RASGRF1: variants seen among roughly 807,000 people sequenced by gnomAD.
RASGRF1 encodes ras-specific guanine nucleotide-releasing factor 1.
Under a neutral mutation model 138.7 loss-of-function variants are expected in RASGRF1, and 40 were observed. That is an observed-to-expected ratio of 0.29 (90% CI 0.22 to 0.38). RASGRF1 has a LOEUF of 0.38. Ranked by LOEUF, RASGRF1 falls within the 10% of genes least tolerant of loss-of-function variation. The pLI is 1.00. For synonymous variants in RASGRF1, 614 were observed against 663.2 expected, an observed-to-expected ratio of 0.93 and a Z score of 1.14; for missense variants, 1,108 against 1,650.4, an observed-to-expected ratio of 0.67 and a Z score of 5.69.
At position 78,960,170 on chromosome 15, in the gene RASGRF1, C is replaced by A. The variant is rs926414169; in HGVS notation, c.*1974G>T. 4 of 152,172 alleles carry A rather than the reference C, an allele frequency of 2.6e-5. No individual in the cohort carries two copies. Among genetic ancestry groups the A allele is most frequent in the African/African-American group, 9.7e-5 (4 of 41,430 alleles). The allele number at this position is 152,172 out of a possible 1,614,324, so 9.4% of individuals were successfully genotyped here. A position where few individuals can be genotyped will look rare whatever the true frequency, so the allele number is the denominator to read the frequency against. On this transcript the variant is annotated 3_prime_UTR_variant, in exon 27 of 27. Transcript: ENST00000558480. ...GCTTGCTATCCCCCTCAGATCCCAG[C>A]ACAAAGTAGGGCTAGGATGAAAATG...
At position 79,064,516 on chromosome 15, in the gene RASGRF1, G is replaced by C. The variant is rs372949778; in HGVS notation, c.287C>G (p.Thr96Arg). 1 of 1,613,650 alleles carries C rather than the reference G, an allele frequency of 6.2e-7. No homozygotes were observed. The highest frequency in any genetic ancestry group is 1.3e-5 in the African/African-American group (1 of 74,920). Residue 96 changes from threonine to arginine, a missense_variant, in exon 2 of 27, where the codon ACG (threonine) becomes AGG (arginine). By Grantham distance (71) the Thr-to-Arg change is moderately conservative. Coordinates refer to ENST00000558480, the MANE Select transcript of RASGRF1 (RefSeq NM_001145648.3). ...KEPLEKQHYF[T>R]VNFSHENQKA... ...CTGGTTCTCATGGCTGAAGTTCACCGTGAAGTAATGCTGTATCAAGAAGAA... is the reference window on the plus strand; with the variant it reads ...CTGGTTCTCATGGCTGAAGTTCACCCTGAAGTAATGCTGTATCAAGAAGAA...
At chr15:78,987,971 G>A (rs984174594) in intron 22 of RASGRF1, among the ~76,000 whole-genome samples, 1 of 152,182 alleles carries the variant, frequency 6.6e-6, no homozygotes, top group African/African-American at 2.4e-5. Flanking sequence ...AAAGGCAAAA[G>A]GACCAGAAAA....
intron 13 of RASGRF1, among the ~76,000 whole-genome samples, chr15:79,013,077 T>C (rs1282367624): frequency 6.6e-6 from 1 of 152,226 alleles, no homozygotes; most frequent in East Asian, 1.9e-4. Context: ...TGAGTTTTAT[T>C]GGATTATTGA....
rs991721170 is a variant in RASGRF1 at position 78,960,002 on chromosome 15, C to T, written c.*2142G>A. ...TGTAATGAGATACCATTTTCATCCCCATTTTTCAGATGAGAACAGTGAAGC... is the reference window on the plus strand; with the variant it reads ...TGTAATGAGATACCATTTTCATCCCTATTTTTCAGATGAGAACAGTGAAGC... On this transcript the variant is annotated 3_prime_UTR_variant, in exon 27 of 27. Transcript: ENST00000558480. 1 of 152,126 alleles carries T rather than the reference C, an allele frequency of 6.6e-6. No individual in the cohort carries two copies. Among genetic ancestry groups the T allele is most frequent in the African/African-American group, 2.4e-5 (1 of 41,426 alleles). 9.4% of individuals were successfully genotyped at this position (152,126 alleles called of 1,614,324 possible).
In RASGRF1 at chr15:79,050,247, A is replaced by C. The variant is rs557721428; in HGVS notation, c.532-659T>G. On this transcript the variant is annotated intron_variant, in intron 3 of 26. Transcript: ENST00000558480. The surrounding 1 kb of genome is among the most constrained non-coding windows in gnomAD (Gnocchi z 4.1). ...GTACCTCATCTAAGCGGAATCATGC[A>C]CTATTTGTCTTTCTGTGACCGGCTT... is the stretch of plus-strand genomic sequence containing the variant. Among the ~76,000 whole-genome samples the C allele has an allele frequency of 1.2e-3, 188 of 152,248 alleles. No homozygotes were observed. Among genetic ancestry groups the C allele is most frequent in the Non-Finnish European group, 2.5e-3 (167 of 68,018 alleles).
chr15:78,968,593 A>G (rs2141591693), intron 26 of RASGRF1, among the ~76,000 whole-genome samples: 1 of 152,146 alleles, frequency 6.6e-6, no homozygotes, highest in African/African-American at 2.4e-5. Context: ...TGATATATAT[A>G]TATATATTTT....
chr15:79,017,168 A>AAAAGTCTGTGCTTCCTGCTTAATGCT (rs1355144299), intron 12 of RASGRF1, among the ~76,000 whole-genome samples: 1 of 152,222 alleles, frequency 6.6e-6, no homozygotes, highest in Non-Finnish European at 1.5e-5. Flanking sequence ...TGGTGCCTGG[A>AAAAGTCTGTGCTTCCTGCTTAATGCT]AAAGTCTGTG....
At chr15:79,007,967 C>T (rs893264060) in intron 13 of RASGRF1, among the ~76,000 whole-genome samples, 13 of 151,946 alleles carry the variant, frequency 8.6e-5, no homozygotes, top group African/African-American at 2.7e-4. Flanking sequence ...CTCAGCCTCC[C>T]GAGTAGCTGG....
intron 20 of RASGRF1, among the ~76,000 whole-genome samples, chr15:78,992,726 C>T (rs759404725): frequency 6.6e-6 from 1 of 152,164 alleles, no homozygotes; most frequent in Non-Finnish European, 1.5e-5. Context: ...TTCACTTTTC[C>T]ATGCTCACTT....
In RASGRF1 at chr15:79,072,267, C is replaced by CTTTTT. The variant is rs758415767; in HGVS notation, c.277-7746_277-7742dup. Among the ~76,000 whole-genome samples, 358 of 61,568 alleles carry CTTTTT rather than the reference C, an allele frequency of 5.8e-3. 90 individuals carry two copies. Among genetic ancestry groups the CTTTTT allele is most frequent in the Admixed American group, 7.2e-3 (25 of 3,472 alleles). 40.4% of individuals were successfully genotyped at this position (61,568 alleles called of 152,430 possible). ...TTTCTGGGAGTTCTTGATAAACAATCTTTTTTTTTTTTTTTTTTTTTTTTT... is the reference window on the plus strand; with the variant it reads ...TTTCTGGGAGTTCTTGATAAACAATCTTTTTTTTTTTTTTTTTTTTTTTTTTTTTT... On this transcript the variant is annotated intron_variant, in intron 1 of 26. Transcript: ENST00000558480.
chr15:79,040,632 T>C (rs959282219), intron 5 of RASGRF1, among the ~76,000 whole-genome samples: 1 of 143,480 alleles, frequency 7.0e-6, no homozygotes, highest in Non-Finnish European at 1.5e-5. Flanking sequence ...CTTCTACTTA[T>C]CAGAGCGAGA....
rs1343593543 is a variant in RASGRF1 at position 79,032,530 on chromosome 15, C to T, written c.959-214G>A. ...CCCATCATTGGGACCACATTAGAAT[C>T]ACAGACTCTTAGAGACGTGGGGCCC... On this transcript the variant is annotated intron_variant, in intron 6 of 26. Transcript: ENST00000558480. The surrounding 1 kb of genome is among the most constrained non-coding windows in gnomAD (Gnocchi z 4.5). 6.6e-6 allele frequency among the ~76,000 whole-genome samples: 1 copy of T among 152,178 alleles called. No individual in the cohort carries two copies.
At position 78,973,938 on chromosome 15, in the gene RASGRF1, C is replaced by T. The variant is rs1354927366; in HGVS notation, c.3495-518G>A. 6.6e-6 allele frequency among the ~76,000 whole-genome samples: 1 copy of T among 152,210 alleles called. No homozygotes were observed. The highest frequency in any genetic ancestry group is 1.9e-4 in the East Asian group (1 of 5,204). The stretch of plus-strand genomic sequence containing the variant: ...GTCTCCACTGGCATCTCCCACCCAC[C>T]TAAGCACTGGGCTTGGGTGCCAGGG... On this transcript the variant is annotated intron_variant, in intron 24 of 26. Coordinates refer to ENST00000558480, the MANE Select transcript of RASGRF1 (RefSeq NM_001145648.3). The surrounding 1 kb of genome is among the most constrained non-coding windows in gnomAD (Gnocchi z 4.9).
chr15:79,069,307 C>G (rs1567610377), intron 1 of RASGRF1, among the ~76,000 whole-genome samples: 1 of 152,182 alleles, frequency 6.6e-6, no homozygotes, highest in Admixed American at 6.5e-5. Context: ...CTTGCACTTG[C>G]TAATAATGAT....
At chr15:78,989,678 T>G (rs563527879) in intron 22 of RASGRF1, among the ~76,000 whole-genome samples, 25 of 152,186 alleles carry the variant, frequency 1.6e-4, no homozygotes, top group African/African-American at 5.1e-4. Context: ...GCCAAAACCT[T>G]AGGAGATTCC....
rs3217527 is a variant in RASGRF1, at chr15:78,991,379, GCA to G, written c.3131+310_3131+311del. 3.9e-5 allele frequency among the ~76,000 whole-genome samples: 6 copies of G among 152,190 alleles called. No individual in the cohort carries two copies. In the East Asian group the frequency reaches 5.8e-4, roughly 15 times the overall value. ...CACGTGCCCACGCTCTTGCCTGTGT[GCA>G]CAGTTTCTCACAGGTACATGTGCAC... On this transcript the variant is annotated intron_variant, in intron 21 of 26. Transcript: ENST00000558480.
At chr15:79,056,876 TG>T (rs1034267259) in intron 3 of RASGRF1, among the ~76,000 whole-genome samples, 4 of 152,230 alleles carry the variant, frequency 2.6e-5, no homozygotes, top group Non-Finnish European at 5.9e-5. Context: ...TAAGCTCTTT[TG>T]TTGAAATTCT....
rs1295060013 is a variant in RASGRF1, at chr15:78,961,050, T to C, written c.*1094A>G. The C allele has an allele frequency of 1.3e-5, 2 of 152,278 alleles. No individual in the cohort carries two copies. Among genetic ancestry groups the C allele is most frequent in the Non-Finnish European group, 2.9e-5 (2 of 68,054 alleles). 9.4% of individuals were successfully genotyped at this position (152,278 alleles called of 1,614,324 possible). A position where few individuals can be genotyped will look rare whatever the true frequency, so the allele number is the denominator to read the frequency against. ...GAATTCTCATACCACTAGGTATTGCTTACAGCAAAAGTTGTCTGTCTGTTG... is the reference window on the plus strand; with the variant it reads ...GAATTCTCATACCACTAGGTATTGCCTACAGCAAAAGTTGTCTGTCTGTTG... On this transcript the variant is annotated 3_prime_UTR_variant, in exon 27 of 27. Transcript: ENST00000558480.
Position 78,978,699 on chromosome 15 carries a change from G to A in RASGRF1, c.3494+1921C>T, listed in dbSNP as rs535813609. On this transcript the variant is annotated intron_variant, in intron 24 of 26. Transcript: ENST00000558480. ...CCGTCCCCTGCCTAGTGAAACAGAC[G>A]CTCAGTATTCATGCAACACCGCTCT... 200 of 1,038,402 alleles carry A rather than the reference G, an allele frequency of 1.9e-4. 1 individual carries two copies. The African/African-American group carries it at 3.1e-3, about 16-fold the overall frequency. The allele number at this position is 1,038,402 out of a possible 1,614,324, so 64.3% of individuals were successfully genotyped here.
Sources: allele counts gnomAD v4.1 joint callset (sites outside exome capture counted in the v4.1 genomes callset), GRCh38; gene constraint gnomAD v4.1.1; non-coding constraint Gnocchi (gnomAD v3.1); transcripts MANE v1.5; gene names NCBI Gene and HGNC (gene_info 2026-07-23, HGNC 2026-07-21).